Variants in AFG1L observed in about 807,000 individuals in gnomAD.
The protein encoded by AFG1L is AFG1-like ATPase.
A neutral mutation model predicts 62.2 loss-of-function variants in AFG1L; 53 were observed. That is an observed-to-expected ratio of 0.85 (90% confidence interval 0.68 to 1.07). The LOEUF (loss-of-function observed/expected upper bound fraction) is 1.07. Among genes scored for constraint, AFG1L ranks in the 50% least tolerant of loss-of-function variants. The pLI, the probability that AFG1L is intolerant of heterozygous loss-of-function variation, is 0.00. For synonymous variants in AFG1L, 228 were observed against 210.3 expected, an observed-to-expected ratio of 1.08 and a Z score of -0.73; for missense variants, 555 against 590.5, an observed-to-expected ratio of 0.94 and a Z score of 0.62.
At chr6:108,498,404 A>T (rs1774050919) in intron 10 of AFG1L, among the ~76,000 whole-genome samples, 1 of 152,220 alleles carries the variant, frequency 6.6e-6, no homozygotes, top group Non-Finnish European at 1.5e-5. Context: ...TTAGTTCTAG[A>T]GAATTTTTTA....
intron 1 of AFG1L, among the ~76,000 whole-genome samples, chr6:108,320,842 A>G (rs1777788819): frequency 6.6e-6 from 1 of 152,172 alleles, no homozygotes; most frequent in Admixed American, 6.5e-5. Flanking sequence ...TTCGCATACA[A>G]AATTGAGTAG....
chr6:108,362,347 T>G (rs1273757633), intron 5 of AFG1L, among the ~76,000 whole-genome samples: 1 of 152,164 alleles, frequency 6.6e-6, no homozygotes, highest in African/African-American at 2.4e-5. Flanking sequence ...TATTGCCCAT[T>G]TATTTATTAG....
chr6:108,456,123 T>C (rs1184448772), intron 8 of AFG1L, among the ~76,000 whole-genome samples: 1 of 152,174 alleles, frequency 6.6e-6, no homozygotes, highest in Non-Finnish European at 1.5e-5. Context: ...TGTTATTAGG[T>C]ATATAAATGT....
At chr6:108,494,770 CTTTTCTTTTT>C in intron 10 of AFG1L, among the ~76,000 whole-genome samples, 1 of 150,078 alleles carries the variant, frequency 6.7e-6, no homozygotes, top group South Asian at 2.1e-4. Flanking sequence ...TTTTTCTTTT[CTTTTCTTTTT>C]TTTTTTTTCA....
intron 10 of AFG1L, among the ~76,000 whole-genome samples, chr6:108,498,754 C>A (rs567045721): frequency 2.2e-4 from 33 of 152,228 alleles, no homozygotes; most frequent in African/African-American, 7.0e-4. Flanking sequence ...GCAGGCAGAT[C>A]ACCTGAGATC....
intron 10 of AFG1L, among the ~76,000 whole-genome samples, chr6:108,479,587 G>T (rs1195449135): frequency 2.0e-5 from 3 of 152,128 alleles, no homozygotes; most frequent in African/African-American, 7.2e-5. Context: ...TGATGATTTT[G>T]CATTGCTTTG....
intron 6 of AFG1L, among the ~76,000 whole-genome samples, chr6:108,373,298 T>C (rs1230748734): frequency 6.6e-6 from 1 of 152,186 alleles, no homozygotes; most frequent in African/African-American, 2.4e-5. Context: ...TATATGGTTT[T>C]TTTGTTCCTG....
At chr6:108,492,056 C>T (rs1202280077) in intron 10 of AFG1L, among the ~76,000 whole-genome samples, 2 of 152,244 alleles carry the variant, frequency 1.3e-5, no homozygotes, top group Admixed American at 1.3e-4. Context: ...TTACAGTTCT[C>T]AAATTTAAAA....
At chr6:108,412,016 A>G (rs1035465613) in intron 7 of AFG1L, among the ~76,000 whole-genome samples, 1 of 152,212 alleles carries the variant, frequency 6.6e-6, no homozygotes. Context: ...AAAAACCTTG[A>G]AAAAAGATTA....
intron 8 of AFG1L, among the ~76,000 whole-genome samples, chr6:108,470,662 G>A (rs992230037): frequency 1.3e-5 from 2 of 152,154 alleles, no homozygotes; most frequent in Non-Finnish European, 2.9e-5. Context: ...CTTTTGTGAT[G>A]CTAGGAACAG....
intron 2 of AFG1L, among the ~76,000 whole-genome samples, chr6:108,333,894 T>C (rs1447193890): frequency 6.6e-6 from 1 of 152,198 alleles, no homozygotes; most frequent in Non-Finnish European, 1.5e-5. Context: ...AGCTGGAGGG[T>C]GGGTAACGAG....
intron 2 of AFG1L, among the ~76,000 whole-genome samples, chr6:108,324,296 T>C (rs1179307273): frequency 6.6e-6 from 1 of 152,232 alleles, no homozygotes; most frequent in Non-Finnish European, 1.5e-5. Context: ...AAAACTTCTA[T>C]GGAAATTAAA....
Position 108,337,140 on chromosome 6 carries a change from C to T in AFG1L, c.364-9848C>T, listed in dbSNP as rs575325048. Among the ~76,000 whole-genome samples the T allele has an allele frequency of 3.3e-5, 5 of 152,294 alleles. No individual in the cohort carries two copies. In the South Asian group the frequency reaches 1.0e-3, roughly 32 times the overall value. On this transcript the variant is annotated intron_variant, in intron 2 of 12. Coordinates refer to ENST00000368977, the MANE Select transcript of AFG1L (RefSeq NM_145315.5). ...CTCCTGGGTAGCTAGATTACAAGTG[C>T]AAGATATGACATTTTTGAAAGGAAT...
intron 10 of AFG1L, among the ~76,000 whole-genome samples, chr6:108,477,565 G>T (rs1053338600): frequency 6.6e-6 from 1 of 152,166 alleles, no homozygotes; most frequent in Admixed American, 6.5e-5. Context: ...CAGTTTTGGG[G>T]CTGTTTTGTA....
chr6:108,510,538 AG>A, intron 11 of AFG1L, among the ~76,000 whole-genome samples, 186 bp downstream of exon 11: 1 of 152,334 alleles, frequency 6.6e-6, no homozygotes, highest in East Asian at 1.9e-4. Flanking sequence ...AGGACTAAAA[AG>A]GCAAATCCAT....
intron 10 of AFG1L, among the ~76,000 whole-genome samples, chr6:108,485,646 ATATATATATATTTTTTTT>A (rs1321398166): frequency 2.4e-4 from 5 of 20,434 alleles, no homozygotes; most frequent in East Asian, 1.1e-3. Flanking sequence ...ATATATATAT[ATATATATATATTTTTTTT>A]TTTTTTTTTT....
chr6:108,333,006 A>G (rs1778333688), intron 2 of AFG1L, among the ~76,000 whole-genome samples: 1 of 152,376 alleles, frequency 6.6e-6, no homozygotes, highest in South Asian at 2.1e-4. Flanking sequence ...AAAGGTAAAC[A>G]CTGATACATT....
At chr6:108,316,533 ATTTT>A (rs544278061) in intron 1 of AFG1L, among the ~76,000 whole-genome samples, 2 of 125,146 alleles carry the variant, frequency 1.6e-5, no homozygotes, top group Non-Finnish European at 3.4e-5. Flanking sequence ...GTACACTCTG[ATTTT>A]TTTTTTTTTT....
intron 11 of AFG1L, among the ~76,000 whole-genome samples, chr6:108,516,098 C>T (rs1410138528): frequency 1.3e-5 from 2 of 152,210 alleles, no homozygotes; most frequent in Admixed American, 1.3e-4. Flanking sequence ...ACCATTCCTT[C>T]TGAAACTATT....
Sources: allele counts gnomAD v4.1 joint callset (sites outside exome capture counted in the v4.1 genomes callset), GRCh38; gene constraint gnomAD v4.1.1; transcripts MANE v1.5; gene names NCBI Gene and HGNC (gene_info 2026-07-23, HGNC 2026-07-21).